The following NT5DC1 variants were observed in gnomAD, a reference collection of about 807,000 sequenced individuals.
The protein encoded by NT5DC1 is 5'-nucleotidase domain-containing protein 1.
NT5DC1 carries 42 observed loss-of-function variants against 59.4 expected under a neutral mutation model. The ratio of observed to expected loss-of-function variants is 0.71; its 90% CI spans 0.55 to 0.92. The LOEUF (loss-of-function observed/expected upper bound fraction) is 0.92, where lower values mean the gene tolerates loss of function less well. Among genes scored for constraint, NT5DC1 ranks in the 40% least tolerant of loss-of-function variants. NT5DC1 has a pLI of 0.00. For synonymous variants in NT5DC1, 172 were observed against 188.1 expected, an observed-to-expected ratio of 0.91 and a Z score of 0.70; for missense variants, 501 against 537.1, an observed-to-expected ratio of 0.93 and a Z score of 0.66.
At chr6:116,136,782 G>T (rs543240924) in intron 6 of NT5DC1, among the ~76,000 whole-genome samples, 37 of 152,256 alleles carry the variant, frequency 2.4e-4, no homozygotes, top group African/African-American at 8.7e-4. Flanking sequence ...AGTTCCAACG[G>T]TTTGGAATCT....
At position 116,101,044 on chromosome 6, in the gene NT5DC1, G is replaced by A. The variant is rs376190332; in HGVS notation, c.93+21G>A. ...CCCCGGTGAGTGGCGCGGGCTCCGG[G>A]GCGCACTGCGCGCAACCTCCATGGC... On this transcript the variant is annotated intron_variant, in intron 1 of 11. Coordinates refer to ENST00000319550, the MANE Select transcript of NT5DC1 (RefSeq NM_152729.3). 4.5e-6 allele frequency: 7 copies of A among 1,541,904 alleles called. No individual in the cohort carries two copies. The African/African-American group carries it at 5.7e-5, about 12-fold the overall frequency.
At chr6:116,207,097 T>A (rs994348656) in intron 6 of NT5DC1, among the ~76,000 whole-genome samples, 2 of 151,964 alleles carry the variant, frequency 1.3e-5, no homozygotes, top group Non-Finnish European at 2.9e-5. Flanking sequence ...TAGAAAATAG[T>A]TTCATTATTA....
At chr6:116,198,275 T>G (rs1161040706) in intron 6 of NT5DC1, among the ~76,000 whole-genome samples, 1 of 152,058 alleles carries the variant, frequency 6.6e-6, no homozygotes, top group African/African-American at 2.4e-5. Context: ...CCACACAGCT[T>G]GATCCTGAAA....
chr6:116,125,894 G>C (rs992646762), intron 6 of NT5DC1: 1 of 165,458 alleles, frequency 6.0e-6, no homozygotes, highest in African/African-American at 2.4e-5. Context: ...ATCATCCACA[G>C]ACTGATGCAA....
At chr6:116,145,925 ACT>A (rs763370335) in intron 6 of NT5DC1, among the ~76,000 whole-genome samples, 1 of 152,076 alleles carries the variant, frequency 6.6e-6, no homozygotes, top group Non-Finnish European at 1.5e-5. Flanking sequence ...GTCTTTGGTA[ACT>A]CTTTCAATTT....
At chr6:116,113,017 G>T (rs1326565881) in intron 4 of NT5DC1, among the ~76,000 whole-genome samples, 1 of 152,152 alleles carries the variant, frequency 6.6e-6, no homozygotes, top group African/African-American at 2.4e-5. Flanking sequence ...TCTCTTTTCA[G>T]GTTGTTGACC....
chr6:116,172,035 G>C (rs1242476452), intron 6 of NT5DC1, among the ~76,000 whole-genome samples: 1 of 152,160 alleles, frequency 6.6e-6, no homozygotes, highest in East Asian at 1.9e-4. Flanking sequence ...GAGGAAGGTA[G>C]AGAAAACACT....
chr6:116,234,901 T>C (rs1278356683), intron 8 of NT5DC1, among the ~76,000 whole-genome samples: 1 of 152,166 alleles, frequency 6.6e-6, no homozygotes, highest in African/African-American at 2.4e-5. Context: ...CTGTGGAGGC[T>C]CTGCCAAAAC....
intron 6 of NT5DC1, among the ~76,000 whole-genome samples, chr6:116,142,848 C>A (rs1376014581): frequency 6.6e-6 from 1 of 152,106 alleles, no homozygotes; most frequent in Non-Finnish European, 1.5e-5. Context: ...TGTTCTGATG[C>A]CTTCATTACA....
intron 8 of NT5DC1, among the ~76,000 whole-genome samples, chr6:116,224,239 T>A (rs1429672345): frequency 6.6e-6 from 1 of 152,242 alleles, no homozygotes. Flanking sequence ...CAGTATTATT[T>A]ACTTTGAACT....
Position 116,239,042 on chromosome 6 carries a change from G to T in NT5DC1, c.1171G>T (p.Asp391Tyr). The change falls in exon 11 of 12, where the codon GAC becomes TAC. Residue 391 changes from aspartate (D) to tyrosine (Y), a missense_variant. Coordinates refer to ENST00000319550, the MANE Select transcript of NT5DC1 (RefSeq NM_152729.3). ...DSVLGLENTEDSLVYTWSCKR... is the reference protein window; with the variant it reads ...DSVLGLENTEYSLVYTWSCKR... ...AGTTTTGGGACTGGAAAATACAGAA[G>T]ACTCCTTGGTTTATACATGGTCTTG... The T allele has an allele frequency of 6.2e-7, 1 of 1,608,314 alleles. No homozygotes were observed.
intron 6 of NT5DC1, among the ~76,000 whole-genome samples, chr6:116,147,963 C>T (rs1211203315): frequency 4.0e-5 from 6 of 148,428 alleles, no homozygotes; most frequent in Non-Finnish European, 8.9e-5. Context: ...TCCAGCCTGG[C>T]GACAGAGCGA....
intron 6 of NT5DC1, chr6:116,121,567 A>G (rs1271578078): frequency 6.2e-7 from 1 of 1,613,662 alleles, no homozygotes. Flanking sequence ...GTCCATTCAT[A>G]CCAGGGACTC....
chr6:116,153,013 C>G (rs955701186), intron 6 of NT5DC1, among the ~76,000 whole-genome samples: 7 of 151,944 alleles, frequency 4.6e-5, no homozygotes, highest in African/African-American at 1.7e-4. Context: ...CACTAAATGG[C>G]TGAACTACAT....
intron 6 of NT5DC1, among the ~76,000 whole-genome samples, chr6:116,161,575 C>G (rs1021409075): frequency 6.6e-6 from 1 of 151,846 alleles, no homozygotes; most frequent in Non-Finnish European, 1.5e-5. Context: ...CTATTCTGCT[C>G]CATTGATCTA....
At chr6:116,110,994 T>C (rs1778864984) in intron 4 of NT5DC1, 38 bp downstream of exon 4, 1 of 1,342,140 alleles carries the variant, frequency 7.5e-7, no homozygotes, top group Non-Finnish European at 1.1e-6. Context: ...ATCCGCTCCC[T>C]GTTTGTTTTG....
chr6:116,200,003 G>GT (rs1248879458), intron 6 of NT5DC1, among the ~76,000 whole-genome samples: 1 of 150,984 alleles, frequency 6.6e-6, no homozygotes, highest in African/African-American at 2.5e-5. Context: ...GGAAAGTGGG[G>GT]GGGGAAGAGT....
At chr6:116,224,765 A>C (rs1350067951) in intron 8 of NT5DC1, among the ~76,000 whole-genome samples, 1 of 152,180 alleles carries the variant, frequency 6.6e-6, no homozygotes, top group Non-Finnish European at 1.5e-5. Flanking sequence ...AAGGGGTTTA[A>C]ATTTTATTCC....
chr6:116,232,846 A>C (rs1782045370), intron 8 of NT5DC1, among the ~76,000 whole-genome samples: 1 of 152,260 alleles, frequency 6.6e-6, no homozygotes, highest in Non-Finnish European at 1.5e-5. Flanking sequence ...AGTAAGACAT[A>C]GCTATATTTA....
Sources: allele counts gnomAD v4.1 joint callset (sites outside exome capture counted in the v4.1 genomes callset), GRCh38; gene constraint gnomAD v4.1.1; transcripts MANE v1.5; gene names NCBI Gene and HGNC (gene_info 2026-07-23, HGNC 2026-07-21).